The following DQX1 variants were observed in gnomAD, a reference collection of about 807,000 sequenced individuals.
DQX1 encodes the protein DEAQ-box RNA dependent ATPase 1, also known as ATP-dependent RNA helicase homolog DQX1.
A neutral mutation model predicts 81.3 loss-of-function variants in DQX1; 66 were observed. The observed-to-expected ratio is 0.81, with a 90% CI of 0.67 to 1.00. The LOEUF is 1.00. DQX1 is among the 50% of genes least tolerant of loss of function. DQX1 has a pLI of 0.00. For missense variants in DQX1, 798 were observed against 867.9 expected (o/e 0.92, Z 1.01); for synonymous variants, 290 against 350.0 (o/e 0.83, Z 1.91).
At position 74,519,943 on chromosome 2, in the gene DQX1, C is replaced by A; in HGVS notation, c.1587G>T (p.Leu529=). Reference sequence around the variant, plus strand: ...GTATAAAGGCTTCATACACCTGGATCAGAGAACTGTGGTCACCATCCGTGT... The same window carrying A: ...GTATAAAGGCTTCATACACCTGGATAAGAGAACTGTGGTCACCATCCGTGT... The part of the protein sequence containing the change: ...LEHTDGDHSS[L]IQVYEAFIQS... Residue 529 remains leucine, a synonymous_variant, in exon 9 of 12, where the codon CTG becomes CTT. Coordinates refer to ENST00000404568, the MANE Select transcript of DQX1 (RefSeq NM_133637.3). 1 of 1,614,196 alleles carries A rather than the reference C, an allele frequency of 6.2e-7. No homozygotes were observed. Among genetic ancestry groups the A allele is most frequent in the African/African-American group, 1.3e-5 (1 of 75,058 alleles).
At chr2:74,520,600 G>A (rs1674997675) in intron 8 of DQX1, among the ~76,000 whole-genome samples, 1 of 152,152 alleles carries the variant, frequency 6.6e-6, no homozygotes, top group Admixed American at 6.5e-5. Context: ...ATGAGAGGCT[G>A]GAGTACTGAG....
Position 74,519,704 on chromosome 2 carries a change from C to G in DQX1, c.1658G>C (p.Trp553Ser), listed in dbSNP as rs1270378310. 5.6e-6 allele frequency: 9 copies of G among 1,614,198 alleles called. No homozygotes were observed. The highest frequency in any genetic ancestry group is 7.6e-6 in the Non-Finnish European group (9 of 1,180,046). Reference protein sequence around the residue: ...EAWCQARGLNWAALCQAHKLR... With the variant: ...EAWCQARGLNSAALCQAHKLR... Reference sequence around the variant, plus strand: ...TTTATGGGCTTGGCACAATGCTGCCCAATTCAGACCTCGAGCCTGGCACCA... The same window carrying G: ...TTTATGGGCTTGGCACAATGCTGCCGAATTCAGACCTCGAGCCTGGCACCA... Residue 553 changes from tryptophan (W) to serine (S), a missense_variant, in exon 10 of 12, where the codon TGG becomes TCG. Coordinates refer to ENST00000404568, the MANE Select transcript of DQX1 (RefSeq NM_133637.3).
At chr2:74,519,255 C>A in intron 10 of DQX1, 25 bp from the exon 11 acceptor site, 13 of 1,519,796 alleles carry the variant, frequency 8.6e-6, no homozygotes, top group South Asian at 1.3e-5. Context: ...GAAATATTGA[C>A]GGAATAAATA....
chr2:74,521,565 G>A (rs1024556124), intron 8 of DQX1, among the ~76,000 whole-genome samples: 15 of 151,668 alleles, frequency 9.9e-5, no homozygotes, highest in Admixed American at 9.2e-4. Context: ...CATGAGAATT[G>A]CTTGAACCAG....
intron 4 of DQX1, 118 bp downstream of exon 4, chr2:74,523,805 C>A: frequency 7.2e-7 from 1 of 1,386,832 alleles, no homozygotes; most frequent in Non-Finnish European, 9.5e-7. Context: ...TGCAACTCTA[C>A]TGTTCCTAAG....
chr2:74,519,092 T>G lies in DQX1; in HGVS notation c.1945A>C (p.Thr649Pro). The G allele has an allele frequency of 3.1e-6, 5 of 1,602,130 alleles. No individual in the cohort carries two copies. Among genetic ancestry groups the G allele is most frequent in the Non-Finnish European group, 4.3e-6 (5 of 1,176,236 alleles). Reference protein sequence around the residue: ...PPPWVLYHNFTISKDNCLSIV... With the variant: ...PPPWVLYHNFPISKDNCLSIV... Reference sequence around the variant, plus strand: ...GAAAGGCAGTTGTCTTTGGATATGGTGAAATTGTGGTAGAGCACCCATGGT... The same window carrying G: ...GAAAGGCAGTTGTCTTTGGATATGGGGAAATTGTGGTAGAGCACCCATGGT... The change falls in exon 11 of 12, where the codon ACC (threonine) becomes CCC (proline). Residue 649 changes from threonine to proline, a missense_variant. Thr to Pro is a conservative substitution (Grantham distance 38, BLOSUM62 -1). Transcript: ENST00000404568.
chr2:74,521,366 G>C (rs1476366447), intron 8 of DQX1, among the ~76,000 whole-genome samples: 1 of 152,104 alleles, frequency 6.6e-6, no homozygotes, highest in Non-Finnish European at 1.5e-5. Flanking sequence ...ATGTCCATCA[G>C]GGGCTGGGTG....
chr2:74,522,504 C>T, intron 8 of DQX1, 76 bp downstream of exon 8: 4 of 1,537,226 alleles, frequency 2.6e-6, no homozygotes, highest in Non-Finnish European at 3.5e-6. Flanking sequence ...AAAGGGCTAG[C>T]CTCAGGAGCA....
In DQX1 at chr2:74,523,438, G is replaced by C. The variant is rs573274390; in HGVS notation, c.916C>G (p.Arg306Gly). The C allele has an allele frequency of 2.5e-6, 4 of 1,614,058 alleles. No homozygotes were observed. The highest frequency in any genetic ancestry group is 1.7e-5 in the Admixed American group (1 of 60,010). Residue 306 changes from arginine to glycine, a missense_variant, in exon 5 of 12, where the codon CGA becomes GGA. Physicochemically the swap from Arg to Gly is moderately radical, Grantham distance 125. Transcript: ENST00000404568. ...RVLPLHPDCG[R>G]AVQAVYEDMD... is the part of the protein sequence containing the mutation. ...TCCTCATACACAGCCTGAACGGCTC[G>C]TCCACAGTCTGGGTGAAGGGGCAGT...
At chr2:74,518,995 C>T in intron 11 of DQX1, 45 bp downstream of exon 11, 1 of 1,486,636 alleles carries the variant, frequency 6.7e-7, no homozygotes, top group Non-Finnish European at 9.0e-7. Context: ...ATTTTGGCCC[C>T]AGGGAGAGGA....
Position 74,523,033 on chromosome 2 carries a change from G to C in DQX1, c.1145-19C>G, listed in dbSNP as rs1675072370. 1 of 1,613,832 alleles carries C rather than the reference G, an allele frequency of 6.2e-7. No homozygotes were observed. Among genetic ancestry groups the C allele is most frequent in the Admixed American group, 1.7e-5 (1 of 59,976 alleles). ...CAGGATCCTGAGGGGAAAAAGACCT[G>C]GGAAAGAAGACCACTGTAGATTTCT... On this transcript the variant is annotated intron_variant, in intron 6 of 11. Transcript: ENST00000404568.
At chr2:74,519,466 C>T in intron 10 of DQX1, 90 bp downstream of exon 10, 1 of 1,519,514 alleles carries the variant, frequency 6.6e-7, no homozygotes, top group Non-Finnish European at 8.9e-7. Context: ...GAATGGCCAC[C>T]TGGACCCTGA....
rs1229807719 is a variant in DQX1, at chr2:74,526,190, TCAC to T, written c.-77_-75del. Reference sequence around the variant, plus strand: ...GGCAGTCAGCTCCAGACCCACGTAGTCACCACCAACCCTGACCGTGTGAAGTAC... The same window carrying T: ...GGCAGTCAGCTCCAGACCCACGTAGTCACCAACCCTGACCGTGTGAAGTAC... On this transcript the variant is annotated 5_prime_UTR_variant, in exon 1 of 12. Transcript: ENST00000404568. The T allele has an allele frequency of 5.9e-6, 1 of 169,732 alleles. No homozygotes were observed. 10.5% of individuals were successfully genotyped at this position (169,732 alleles called of 1,614,324 possible).
intron 8 of DQX1, among the ~76,000 whole-genome samples, chr2:74,521,644 T>C (rs1369600892): frequency 2.7e-5 from 4 of 149,164 alleles, no homozygotes; most frequent in Non-Finnish European, 5.9e-5. Context: ...AGTGAGACTT[T>C]GTCTGAAAAA....
Position 74,518,483 on chromosome 2 carries a change from G to A in DQX1, c.2117C>T (p.Ser706Leu). The change falls in exon 12 of 12, where the codon TCA (serine) becomes TTA (leucine). Residue 706 changes from serine (S) to leucine (L), a missense_variant. Coordinates refer to ENST00000404568, the MANE Select transcript of DQX1 (RefSeq NM_133637.3). The stretch of plus-strand genomic sequence containing the variant: ...ACAGGGATCTCTGAACTCCTGGGCT[G>A]AGGATGATTTGCTCCCTGCTGTAGA... ...ADSTAGSKSS[S>L]AQEFRDPCVL... 22 of 1,614,242 alleles carry A rather than the reference G, an allele frequency of 1.4e-5. No homozygotes were observed. Among genetic ancestry groups the A allele is most frequent in the Non-Finnish European group, 1.8e-5 (21 of 1,180,044 alleles).
In DQX1 at chr2:74,525,958, AC is replaced by A. The variant is rs1675170515; in HGVS notation, c.-20+177del. On this transcript the variant is annotated intron_variant, in intron 1 of 11. Transcript: ENST00000404568. The surrounding 1 kb of genome is among the most constrained non-coding windows in gnomAD (Gnocchi z 4.1). ...CCCTATAGTCAGGTAGTAGAAATCT[AC>A]CTGAGACTATTACCCCGTTGGCAGG... is the stretch of plus-strand genomic sequence containing the variant. Among the ~76,000 whole-genome samples, 1 of 152,164 alleles carries A rather than the reference AC, an allele frequency of 6.6e-6. No homozygotes were observed. The highest frequency in any genetic ancestry group is 2.4e-5 in the African/African-American group (1 of 41,420).
intron 4 of DQX1, 63 bp from the exon 5 acceptor site, chr2:74,523,600 T>C: frequency 6.8e-7 from 1 of 1,461,182 alleles, no homozygotes; most frequent in South Asian, 1.2e-5. Flanking sequence ...CACAGATCCC[T>C]TTGAAAGACT....
rs143505793 is a variant in DQX1 at position 74,525,883 on chromosome 2, A to T, written c.-19-135T>A. 3.2e-5 allele frequency: 21 copies of T among 646,270 alleles called. No individual in the cohort carries two copies. The highest frequency in any genetic ancestry group is 5.6e-5 in the Non-Finnish European group (21 of 377,740). The allele number at this position is 646,270 out of a possible 1,614,324, so 40.0% of individuals were successfully genotyped here. On this transcript the variant is annotated intron_variant, in intron 1 of 11. Coordinates refer to ENST00000404568, the MANE Select transcript of DQX1 (RefSeq NM_133637.3). The surrounding 1 kb of genome is among the most constrained non-coding windows in gnomAD (Gnocchi z 4.1). The stretch of plus-strand genomic sequence containing the variant: ...ACCCTTCCCAGCATTTCCTGCCAGG[A>T]AACAGTGCTAGGTATTTTGATAAAG...
chr2:74,520,920 A>T (rs1558601412), intron 8 of DQX1, among the ~76,000 whole-genome samples: 1 of 152,104 alleles, frequency 6.6e-6, no homozygotes. Context: ...TGATCCTCCC[A>T]TCTCAGCCTC....
Sources: gnomAD v4.1 joint callset for allele counts (sites outside exome capture counted in the v4.1 genomes callset) on GRCh38, gnomAD v4.1.1 for gene constraint, Gnocchi (gnomAD v3.1) non-coding constraint, MANE v1.5 for transcripts, NCBI Gene and HGNC (gene_info 2026-07-23, HGNC 2026-07-21) for gene names.